TBC1D10A: variants seen among roughly 807,000 people sequenced by gnomAD.
TBC1D10A encodes EBP50-PDX interactor of 64 kDa.
TBC1D10A carries 24 observed loss-of-function variants against 52.9 expected under a neutral mutation model. That is an observed-to-expected ratio of 0.45 (90% CI 0.33 to 0.64). The LOEUF (loss-of-function observed/expected upper bound fraction) is 0.64. TBC1D10A is among the 30% of genes least tolerant of loss of function. The pLI, the probability that TBC1D10A is intolerant of heterozygous loss-of-function variation, is 0.02. For synonymous variants in TBC1D10A, 278 were observed against 282.9 expected (o/e 0.98, Z 0.17); for missense variants, 602 against 687.9 (o/e 0.88, Z 1.40).
At chr22:30,318,982 A>G (rs897057512) in intron 1 of TBC1D10A, 29 of 299,300 alleles carry the variant, frequency 9.7e-5, no homozygotes, top group Non-Finnish European at 2.0e-5. Context: ...GAGACTGCCC[A>G]ACCCATTTCC....
At chr22:30,302,288 T>C (rs1930216899) in intron 2 of TBC1D10A, among the ~76,000 whole-genome samples, 1 of 152,196 alleles carries the variant, frequency 6.6e-6, no homozygotes, top group African/African-American at 2.4e-5. Flanking sequence ...AGGAGGTCTC[T>C]GATGAAAGCT....
intron 1 of TBC1D10A, among the ~76,000 whole-genome samples, chr22:30,322,883 C>T (rs1383483118): frequency 1.3e-5 from 2 of 148,670 alleles, no homozygotes; most frequent in African/African-American, 5.0e-5. Context: ...GCGTGAGGCA[C>T]AGCACCTAGT....
At chr22:30,312,700 C>T (rs1425654987) in intron 1 of TBC1D10A, among the ~76,000 whole-genome samples, 2 of 152,180 alleles carry the variant, frequency 1.3e-5, no homozygotes, top group Non-Finnish European at 2.9e-5. Flanking sequence ...GAGCCATCTT[C>T]CTTCAACCCC....
chr22:30,324,390 G>C (rs1930723042), intron 1 of TBC1D10A, among the ~76,000 whole-genome samples: 1 of 152,190 alleles, frequency 6.6e-6, no homozygotes, highest in Non-Finnish European at 1.5e-5. Context: ...AGAGATTTTA[G>C]GTTGACTGAC....
intron 1 of TBC1D10A, among the ~76,000 whole-genome samples, chr22:30,315,661 G>A (rs1435277692): frequency 6.6e-6 from 1 of 152,200 alleles, no homozygotes; most frequent in Admixed American, 6.5e-5. Flanking sequence ...TGGACTCACA[G>A]TGTCCAAGGC....
At chr22:30,305,065 T>C (rs995704007) in intron 1 of TBC1D10A, among the ~76,000 whole-genome samples, 3 of 152,240 alleles carry the variant, frequency 2.0e-5, no homozygotes, top group African/African-American at 7.2e-5. Context: ...ACCTCTTTAC[T>C]TGAGCCAAAC....
intron 1 of TBC1D10A, among the ~76,000 whole-genome samples, chr22:30,319,399 G>A (rs1010812048): frequency 6.6e-6 from 1 of 152,200 alleles, no homozygotes; most frequent in Non-Finnish European, 1.5e-5. Context: ...AAATCACAGG[G>A]TCTGACAGAG....
Position 30,325,801 on chromosome 22 carries a change from C to A in TBC1D10A, c.209+872G>T, listed in dbSNP as rs1930756900. Among the ~76,000 whole-genome samples the A allele has an allele frequency of 2.0e-5, 3 of 152,222 alleles. No homozygotes were observed. In the South Asian group the frequency reaches 6.2e-4, roughly 32 times the overall value. On this transcript the variant is annotated intron_variant, in intron 1 of 8. Coordinates refer to ENST00000215790, the MANE Select transcript of TBC1D10A (RefSeq NM_031937.3). Reference sequence around the variant, plus strand: ...GAGCAGGGACCCTGCTGTCTCCCTGCCTGCCCCCGTCCCACGCCCAAGATC... The same window carrying A: ...GAGCAGGGACCCTGCTGTCTCCCTGACTGCCCCCGTCCCACGCCCAAGATC...
At position 30,295,038 on chromosome 22, in the gene TBC1D10A, C is replaced by T. The variant is rs749055989; in HGVS notation, c.542G>A (p.Arg181His). Residue 181 changes from arginine to histidine, a missense_variant, in exon 5 of 9, where the codon CGT (arginine) becomes CAT (histidine). Arg to His is a conservative substitution (Grantham distance 29, BLOSUM62 0). Around this residue, in one of 3 missense-constraint regions of TBC1D10A, gnomAD observed 136 missense variants for 208.4 expected, o/e 0.65. Transcript: ENST00000215790. ...GTACAGCGTGTAGGCCTTCAGCACA[C>T]GGAATAGGTCCTGCTGGCTGTGGAG... Reference protein sequence around the residue: ...RGGHGQQDLFRVLKAYTLYRP... With the variant: ...RGGHGQQDLFHVLKAYTLYRP... 104 of 1,613,948 alleles carry T rather than the reference C, an allele frequency of 6.4e-5. 2 individuals are homozygous for T. Among genetic ancestry groups the T allele is most frequent in the South Asian group, 6.0e-4 (55 of 91,090 alleles).
At chr22:30,317,164 T>C (rs1420736615) in intron 1 of TBC1D10A, among the ~76,000 whole-genome samples, 1 of 152,190 alleles carries the variant, frequency 6.6e-6, no homozygotes, top group African/African-American at 2.4e-5. Context: ...TCCCAGCATT[T>C]TGGAAGGCCA....
intron 1 of TBC1D10A, among the ~76,000 whole-genome samples, chr22:30,326,286 G>T (rs545319599): frequency 1.3e-5 from 2 of 151,598 alleles, no homozygotes; most frequent in Non-Finnish European, 2.9e-5. Context: ...GGAGGGGGGC[G>T]CCAGCCATCT....
rs1819134220 is a variant in TBC1D10A at position 30,292,492 on chromosome 22, G to T, written c.1410C>A (p.Pro470=). Residue 470 remains proline, a synonymous_variant, in exon 9 of 9, where the codon CCC becomes CCA. Transcript: ENST00000215790. ...AGTCCTTGGGGGCTGAGTCCTTCGGGGGCACATGCTGTGGGGGACATGCAT... is the reference window on the plus strand; with the variant it reads ...AGTCCTTGGGGGCTGAGTCCTTCGGTGGCACATGCTGTGGGGGACATGCAT... ...AGDACPPQHV[P]PKDSAPKDSA... is the part of the protein sequence containing the mutation. The T allele has an allele frequency of 6.2e-7, 1 of 1,608,120 alleles. No individual in the cohort carries two copies. The highest frequency in any genetic ancestry group is 1.7e-5 in the Admixed American group (1 of 59,584).
At chr22:30,293,143 C>T (rs1416932130) in intron 8 of TBC1D10A, 4 of 631,356 alleles carry the variant, frequency 6.3e-6, no homozygotes, top group Non-Finnish European at 1.2e-5. Context: ...CAGACAAAAA[C>T]CTGCTCTCTG....
At position 30,295,848 on chromosome 22, in the gene TBC1D10A, A is replaced by G; in HGVS notation, c.418-5T>C. Reference sequence around the variant, plus strand: ...CCCAGGGGACATGTCCAGCTCCTAGAAGCAAGGGCACAAATTAGGGGCTGG... The same window carrying G: ...CCCAGGGGACATGTCCAGCTCCTAGGAGCAAGGGCACAAATTAGGGGCTGG... On this transcript the variant is annotated splice_polypyrimidine_tract_variant and splice_region_variant and intron_variant, in intron 3 of 8. Transcript: ENST00000215790. The G allele has an allele frequency of 6.2e-7, 1 of 1,611,246 alleles. No individual in the cohort carries two copies. Among genetic ancestry groups the G allele is most frequent in the South Asian group, 1.1e-5 (1 of 90,972 alleles).
chr22:30,300,643 G>A (rs1930183824), intron 2 of TBC1D10A: 1 of 152,150 alleles, frequency 6.6e-6, no homozygotes. Context: ...CAGCAGCCAT[G>A]TGGCAGGATA....
intron 1 of TBC1D10A, among the ~76,000 whole-genome samples, chr22:30,325,719 G>A (rs1218178295): frequency 6.6e-6 from 1 of 152,184 alleles, no homozygotes; most frequent in Non-Finnish European, 1.5e-5. Flanking sequence ...ACATTTCTCT[G>A]TCTGCTAGCT....
chr22:30,295,139 G>A (rs1432943767), intron 4 of TBC1D10A, 84 bp from the exon 5 acceptor site: 2 of 1,365,734 alleles, frequency 1.5e-6, no homozygotes, highest in Non-Finnish European at 2.0e-6. Context: ...GGACCAGCCA[G>A]CCTCAGAATC....
chr22:30,303,758 C>G (rs1930254358), intron 2 of TBC1D10A, among the ~76,000 whole-genome samples: 1 of 152,208 alleles, frequency 6.6e-6, no homozygotes. Context: ...TCGGAACAGG[C>G]CTCCTCTAGG....
At position 30,292,423 on chromosome 22, in the gene TBC1D10A, G is replaced by T; in HGVS notation, c.1479C>A (p.Arg493=). The T allele has an allele frequency of 6.3e-7, 1 of 1,592,248 alleles. No homozygotes were observed. The highest frequency in any genetic ancestry group is 1.7e-5 in the Admixed American group (1 of 57,670). The change falls in exon 9 of 9, where the codon CGC becomes CGA. Residue 493 remains arginine (R), a synonymous_variant. Transcript: ENST00000215790. ...CTTGGGACGTCAAGCTCTCCTGGGA[G>T]CGGTGGTGGGCTGAGACCTGGGGAG... The part of the protein sequence containing the change: ...DLAPQVSAHH[R]SQESLTSQES...
Sources: allele counts gnomAD v4.1 joint callset (sites outside exome capture counted in the v4.1 genomes callset), GRCh38; gene constraint gnomAD v4.1.1; regional missense constraint gnomAD v4.1.1; transcripts MANE v1.5; gene names NCBI Gene and HGNC (gene_info 2026-07-23, HGNC 2026-07-21).